RASSF8: variants seen among roughly 807,000 people sequenced by gnomAD.
The protein encoded by RASSF8 is ras association domain-containing protein 8.
In RASSF8, 22 loss-of-function variants were observed where a neutral mutation model predicts 48.5. That is an observed-to-expected ratio of 0.45 (90% confidence interval 0.32 to 0.65). RASSF8 has a LOEUF of 0.65. Among genes scored for constraint, RASSF8 ranks in the 30% least tolerant of loss-of-function variants. The probability of loss-of-function intolerance (pLI) is 0.03; values close to 1 mark genes in which losing one functional copy is unlikely to be tolerated. For missense variants in RASSF8, 418 were observed against 489.2 expected (o/e 0.85, Z 1.37); for synonymous variants, 127 against 171.5 (o/e 0.74, Z 2.03).
At chr12:26,035,944 TTTTTATA>T (rs1173110046) in intron 2 of RASSF8, among the ~76,000 whole-genome samples, 1 of 146,624 alleles carries the variant, frequency 6.8e-6, no homozygotes, top group Non-Finnish European at 1.5e-5. Flanking sequence ...ATTTCATATA[TTTTTATA>T]TATTATATAT....
intron 2 of RASSF8, chr12:26,020,641 C>T (rs1942766332): frequency 2.6e-5 from 4 of 151,480 alleles, no homozygotes; most frequent in Admixed American, 2.0e-4. Flanking sequence ...ATTATGCAGC[C>T]GTTGGAAATT....
chr12:26,028,017 A>G (rs1278968140), intron 2 of RASSF8, among the ~76,000 whole-genome samples: 1 of 152,216 alleles, frequency 6.6e-6, no homozygotes, highest in Non-Finnish European at 1.5e-5. Context: ...AGGAAACAGT[A>G]TGAAGAAAGC....
intron 2 of RASSF8, among the ~76,000 whole-genome samples, chr12:26,013,059 G>C: frequency 6.6e-6 from 1 of 152,132 alleles, no homozygotes; most frequent in East Asian, 1.9e-4. Context: ...CAAAATAAAG[G>C]AGAGTATATC....
intron 5 of RASSF8, among the ~76,000 whole-genome samples, chr12:26,068,253 CAT>C (rs1334436416): frequency 6.6e-6 from 1 of 152,124 alleles, no homozygotes; most frequent in East Asian, 1.9e-4. Flanking sequence ...CACCAAATGT[CAT>C]ATCATTAGTT....
intron 2 of RASSF8, among the ~76,000 whole-genome samples, chr12:26,037,075 C>G (rs1452280574): frequency 6.6e-6 from 1 of 151,996 alleles, no homozygotes; most frequent in Non-Finnish European, 1.5e-5. Context: ...TTTGAAATCC[C>G]CTTCTTTTAT....
At chr12:26,010,537 G>C (rs1333018350) in intron 2 of RASSF8, among the ~76,000 whole-genome samples, 1 of 152,196 alleles carries the variant, frequency 6.6e-6, no homozygotes, top group Non-Finnish European at 1.5e-5. Flanking sequence ...GCCCTGGGGA[G>C]GGCACTGTGG....
chr12:26,042,486 G>A (rs1322248221), intron 2 of RASSF8, among the ~76,000 whole-genome samples: 1 of 152,076 alleles, frequency 6.6e-6, no homozygotes, highest in East Asian at 1.9e-4. Flanking sequence ...AGTTTGTAGG[G>A]TGGAGCATGT....
intron 1 of RASSF8, among the ~76,000 whole-genome samples, chr12:25,977,412 T>C (rs542229265): frequency 3.4e-4 from 52 of 152,210 alleles, no homozygotes; most frequent in Non-Finnish European, 5.7e-4. Flanking sequence ...AACCATCTTA[T>C]TCATTTTTCT....
chr12:26,046,858 A>G (rs937389590), intron 2 of RASSF8, among the ~76,000 whole-genome samples: 2 of 152,234 alleles, frequency 1.3e-5, no homozygotes, highest in African/African-American at 2.4e-5. Flanking sequence ...CTACCTTAAA[A>G]TATCACCAAG....
exon 6 of RASSF8, chr12:26,079,221 G>C: frequency 3.8e-6 from 2 of 530,636 alleles, no homozygotes; most frequent in Admixed American, 7.4e-5. Context: ...ACCGTTATCT[G>C]GTAAGGGTTT....
downstream of RASSF8, among the ~76,000 whole-genome samples, chr12:26,077,075 G>A (rs1183667094): frequency 6.6e-6 from 1 of 152,200 alleles, no homozygotes; most frequent in East Asian, 1.9e-4. Context: ...TTTGAGAAGT[G>A]TCTGCTCATA....
At chr12:26,079,073 G>C in exon 6 of RASSF8, 1 of 1,543,398 alleles carries the variant, frequency 6.5e-7, no homozygotes, top group Non-Finnish European at 8.7e-7. Flanking sequence ...GTAAAGATTA[G>C]ATATCACACC....
chr12:26,067,010 G>A (rs984464373), intron 4 of RASSF8, among the ~76,000 whole-genome samples: 1 of 152,162 alleles, frequency 6.6e-6, no homozygotes, highest in African/African-American at 2.4e-5. Flanking sequence ...TCCTCATGCT[G>A]TAAGATAAAT....
At chr12:26,073,297 C>T (rs1944034794), downstream of RASSF8, among the ~76,000 whole-genome samples, 1 of 152,174 alleles carries the variant, frequency 6.6e-6, no homozygotes, top group African/African-American at 2.4e-5. Context: ...TTTCAGACCT[C>T]AAGGCACTTT....
chr12:25,969,072 G>C (rs190261943), intron 1 of RASSF8, among the ~76,000 whole-genome samples: 2,074 of 152,326 alleles, frequency 0.014, 22 homozygotes, highest in Non-Finnish European at 0.02. Flanking sequence ...GGTAAGGCTG[G>C]GGGGAGCAAA....
intron 2 of RASSF8, among the ~76,000 whole-genome samples, chr12:26,051,968 T>C (rs1197252596): frequency 6.6e-6 from 1 of 152,162 alleles, no homozygotes. Context: ...TTTTAAATGG[T>C]GAAATCCCAC....
intron 1 of RASSF8, among the ~76,000 whole-genome samples, chr12:25,984,524 G>C (rs1458727633): frequency 1.3e-5 from 2 of 152,124 alleles, no homozygotes; most frequent in Admixed American, 6.5e-5. Flanking sequence ...TGCATTTTTA[G>C]TAGATACAGG....
chr12:26,043,367 G>A (rs1208482712), intron 2 of RASSF8, among the ~76,000 whole-genome samples: 2 of 152,230 alleles, frequency 1.3e-5, no homozygotes, highest in African/African-American at 2.4e-5. Flanking sequence ...CATAAGGGTA[G>A]AGGGGAACTG....
intron 1 of RASSF8, among the ~76,000 whole-genome samples, chr12:25,984,066 T>C (rs1941810119): frequency 6.6e-6 from 1 of 152,112 alleles, no homozygotes; most frequent in African/African-American, 2.4e-5. Context: ...CATGTATTTA[T>C]TTATTTATTT....
Sources: allele counts gnomAD v4.1 joint callset (sites outside exome capture counted in the v4.1 genomes callset), GRCh38; gene constraint gnomAD v4.1.1; transcripts MANE v1.5; gene names NCBI Gene and HGNC (gene_info 2026-07-23, HGNC 2026-07-21).